The following XRCC6 variants were observed in gnomAD, a reference collection of about 807,000 sequenced individuals.
XRCC6 encodes the protein X-ray repair cross complementing 6, also known as DNA repair protein Ku70.
XRCC6 carries 5 observed loss-of-function variants against 65.7 expected under a neutral mutation model. That is an observed-to-expected ratio of 0.08 (90% confidence interval 0.04 to 0.16). The LOEUF (loss-of-function observed/expected upper bound fraction) is 0.16, where lower values mean the gene tolerates loss of function less well. XRCC6 is among the 10% of genes least tolerant of loss of function. The probability of loss-of-function intolerance (pLI) is 1.00; values close to 1 mark genes in which losing one functional copy is unlikely to be tolerated. For synonymous variants in XRCC6, 270 were observed against 270.6 expected (o/e 1.00, Z 0.02); for missense variants, 447 against 738.1 (o/e 0.61, Z 4.57).
chr22:41,658,371 GTA>G lies in XRCC6; in HGVS notation c.1522+20_1522+21del. 1.2e-6 allele frequency: 2 copies of G among 1,609,908 alleles called. No individual in the cohort carries two copies. The highest frequency in any genetic ancestry group is 4.5e-5 in the East Asian group (2 of 44,858). ...CTGACATGTAAGGAGGTTGAATAGAGTAGTTCTTTTCATGGGAGGCTTTCTTA... is the reference window on the plus strand; with the variant it reads ...CTGACATGTAAGGAGGTTGAATAGAGGTTCTTTTCATGGGAGGCTTTCTTA... On this transcript the variant is annotated intron_variant, in intron 11 of 12. Coordinates refer to ENST00000360079, the MANE Select transcript of XRCC6 (RefSeq NM_001469.5).
Position 41,636,607 on chromosome 22 carries a change from A to C in XRCC6, c.426A>C (p.Ser142=). 6.2e-7 allele frequency: 1 copy of C among 1,613,988 alleles called. No homozygotes were observed. The highest frequency in any genetic ancestry group is 1.1e-5 in the South Asian group (1 of 91,082). ...TGATGGGCCACGGATCTGACTACTC[A>C]CTCAGTGAAGTGCTGTGGGTCTGTG... ...QDMMGHGSDY[S]LSEVLWVCAN... The change falls in exon 5 of 13, where the codon TCA becomes TCC. Residue 142 remains serine, a synonymous_variant. Coordinates refer to ENST00000360079, the MANE Select transcript of XRCC6 (RefSeq NM_001469.5).
chr22:41,633,689 A>C (rs558403041), intron 3 of XRCC6, among the ~76,000 whole-genome samples: 29 of 152,136 alleles, frequency 1.9e-4, no homozygotes, highest in African/African-American at 6.7e-4. Context: ...CCAACCGTGG[A>C]CCTCTTTGAG....
In XRCC6 at chr22:41,650,827, G is replaced by C; in HGVS notation, c.1065G>C (p.Leu355=). ...LMLMGFKPLV[L]LKKHHYLRPS... is the part of the protein sequence containing the mutation. ...TCATGGGTTTCAAGCCGTTGGTACT[G>C]CTGAAGAAACACCATTACCTGAGGC... The change falls in exon 8 of 13, where the codon CTG becomes CTC. Residue 355 remains leucine, a synonymous_variant. Transcript: ENST00000360079. 1 of 1,614,060 alleles carries C rather than the reference G, an allele frequency of 6.2e-7. No homozygotes were observed. The highest frequency in any genetic ancestry group is 8.5e-7 in the Non-Finnish European group (1 of 1,179,952).
intron 6 of XRCC6, among the ~76,000 whole-genome samples, chr22:41,643,745 C>T (rs1036592637): frequency 2.6e-5 from 4 of 151,522 alleles, no homozygotes; most frequent in East Asian, 1.9e-4. Context: ...CACTTGAACT[C>T]GGGAGGCGGA....
chr22:41,642,351 T>A (rs2067887733), intron 6 of XRCC6, among the ~76,000 whole-genome samples: 1 of 152,196 alleles, frequency 6.6e-6, no homozygotes, highest in African/African-American at 2.4e-5. Flanking sequence ...TTTGGGTTCC[T>A]TATATATTCT....
Position 41,624,951 on chromosome 22 carries a change from T to C in XRCC6, c.82+2865T>C, listed in dbSNP as rs184118735. On this transcript the variant is annotated intron_variant, in intron 2 of 12. Coordinates refer to ENST00000360079, the MANE Select transcript of XRCC6 (RefSeq NM_001469.5). The stretch of plus-strand genomic sequence containing the variant: ...GGCGGAGCTTGTAGTGAGCCGAGAT[T>C]GCGCCACTGCTCTCCAGCCTGGGCG... Among the ~76,000 whole-genome samples, 9 of 151,114 alleles carry C rather than the reference T, an allele frequency of 6.0e-5. No homozygotes were observed. The East Asian group carries it at 1.8e-3, about 29-fold the overall frequency.
intron 6 of XRCC6, among the ~76,000 whole-genome samples, chr22:41,644,463 T>C (rs1436014677): frequency 1.3e-5 from 2 of 152,180 alleles, no homozygotes; most frequent in Non-Finnish European, 2.9e-5. Flanking sequence ...TAAATATATG[T>C]GTACATTGTT....
At chr22:41,632,826 G>GGA (rs962011410) in intron 3 of XRCC6, among the ~76,000 whole-genome samples, 1 of 130,074 alleles carries the variant, frequency 7.7e-6, no homozygotes, top group African/African-American at 2.8e-5. Flanking sequence ...CTGTCTCTTG[G>GGA]AAAAAAAAAA....
chr22:41,656,215 C>CAA (rs132783), intron 9 of XRCC6, among the ~76,000 whole-genome samples: 80,679 of 126,782 alleles, frequency 0.64, 27,777 homozygotes, highest in East Asian at 0.91. Flanking sequence ...GATCCTGTCT[C>CAA]AAAAAAAAAA....
At position 41,656,516 on chromosome 22, in the gene XRCC6, C is replaced by CA. The variant is rs879533269; in HGVS notation, c.1292-374dup. ...GGGCGACAAGAGTGAAACTCCATCT[C>CA]AAAAAAAAAAAAAGATGGAAAAAAA... On this transcript the variant is annotated intron_variant, in intron 9 of 12. Transcript: ENST00000360079. 1.3e-3 allele frequency among the ~76,000 whole-genome samples: 166 copies of CA among 125,424 alleles called. 1 individual carries two copies. Among genetic ancestry groups the CA allele is most frequent in the Middle Eastern group, 8.3e-3 (2 of 242 alleles). 82.3% of individuals were successfully genotyped at this position (125,424 alleles called of 152,430 possible).
At chr22:41,627,845 G>T (rs1181929522) in intron 2 of XRCC6, among the ~76,000 whole-genome samples, 2 of 152,054 alleles carry the variant, frequency 1.3e-5, no homozygotes, top group Non-Finnish European at 2.9e-5. Flanking sequence ...CTGCACTCCA[G>T]CCTGGGTGAT....
chr22:41,657,104 G>A, intron 10 of XRCC6, 72 bp downstream of exon 10: 1 of 1,495,168 alleles, frequency 6.7e-7, no homozygotes, highest in Admixed American at 2.5e-5. Context: ...TTGGGCATAG[G>A]CCAAGAGAAT....
chr22:41,643,377 C>T (rs2067898339), intron 6 of XRCC6, among the ~76,000 whole-genome samples: 2 of 151,822 alleles, frequency 1.3e-5, no homozygotes, highest in South Asian at 4.2e-4. Flanking sequence ...CCACTGCACT[C>T]CAGCTTAGGC....
intron 9 of XRCC6, among the ~76,000 whole-genome samples, chr22:41,654,879 G>A (rs1240680339): frequency 6.6e-6 from 1 of 152,170 alleles, no homozygotes; most frequent in South Asian, 2.1e-4. Flanking sequence ...CAGGAGGGCC[G>A]CAACCACAGT....
At chr22:41,636,315 A>G (rs1455017793) in intron 4 of XRCC6, 64 bp downstream of exon 4, 8 of 1,532,250 alleles carry the variant, frequency 5.2e-6, no homozygotes, top group Non-Finnish European at 7.0e-6. Flanking sequence ...CTGATCAAAG[A>G]GGACTGTGGA....
At chr22:41,637,553 C>A in intron 5 of XRCC6, 55 bp from the exon 6 acceptor site, 1 of 1,431,624 alleles carries the variant, frequency 7.0e-7, no homozygotes, top group Non-Finnish European at 9.3e-7. Context: ...GAAAGAACTT[C>A]TCACTTGCTG....
chr22:41,653,810 A>G lies in XRCC6; in HGVS notation c.1291+120A>G, dbSNP rs966441038. On this transcript the variant is annotated intron_variant, in intron 9 of 12. Coordinates refer to ENST00000360079, the MANE Select transcript of XRCC6 (RefSeq NM_001469.5). ...CTGGGAATGGGGCTTAAAAATGTCT[A>G]TTTTTAAGCTTTCTTGGGTGAATTT... The G allele has an allele frequency of 2.2e-5, 28 of 1,284,100 alleles. No homozygotes were observed. The Admixed American group carries it at 2.8e-4, about 13-fold the overall frequency. 79.5% of individuals were successfully genotyped at this position (1,284,100 alleles called of 1,614,324 possible).
intron 2 of XRCC6, among the ~76,000 whole-genome samples, chr22:41,626,455 T>G (rs930112941): frequency 6.6e-6 from 1 of 151,576 alleles, no homozygotes; most frequent in African/African-American, 2.4e-5. Context: ...TAATTTTTTA[T>G]TTTTTATTTA....
chr22:41,624,992 G>A (rs540691018), intron 2 of XRCC6, among the ~76,000 whole-genome samples: 15 of 151,904 alleles, frequency 9.9e-5, no homozygotes, highest in African/African-American at 3.4e-4. Flanking sequence ...GCGAGACTCC[G>A]TCTCAAAAAT....
Sources: allele counts gnomAD v4.1 joint callset (sites outside exome capture counted in the v4.1 genomes callset), GRCh38; gene constraint gnomAD v4.1.1; transcripts MANE v1.5; gene names NCBI Gene and HGNC (gene_info 2026-07-23, HGNC 2026-07-21).